Variants in THSD7A observed in about 807,000 individuals in gnomAD.
THSD7A encodes thrombospondin type 1 domain containing 7A.
THSD7A carries 96 observed loss-of-function variants against 231.3 expected under a neutral mutation model. The ratio of observed to expected loss-of-function variants is 0.41; its 90% CI spans 0.35 to 0.49. THSD7A has a LOEUF of 0.49. Ranked by LOEUF, THSD7A falls within the 20% of genes least tolerant of loss-of-function variation. THSD7A has a pLI of 0.05. For synonymous variants in THSD7A, 940 were observed against 743.3 expected, an observed-to-expected ratio of 1.26 and a Z score of -4.30; for missense variants, 2,290 against 2,070.2, an observed-to-expected ratio of 1.11 and a Z score of -2.06.
At chr7:11,459,764 C>T (rs889730625) in intron 11 of THSD7A, among the ~76,000 whole-genome samples, 10 of 138,614 alleles carry the variant, frequency 7.2e-5, no homozygotes, top group Admixed American at 5.6e-4. Flanking sequence ...AAAATGAAGT[C>T]CCAGATCAAA....
At chr7:11,498,343 T>C (rs1446355759) in intron 6 of THSD7A, among the ~76,000 whole-genome samples, 4 of 152,200 alleles carry the variant, frequency 2.6e-5, no homozygotes, top group Non-Finnish European at 4.4e-5. Context: ...CAGCACAGTA[T>C]AGCTGTGCTA....
intron 1 of THSD7A, among the ~76,000 whole-genome samples, chr7:11,797,382 C>T (rs952516021): frequency 1.1e-4 from 16 of 146,480 alleles, no homozygotes; most frequent in African/African-American, 3.8e-4. Flanking sequence ...TCTTTCCTTC[C>T]TGCCTTCTTT....
chr7:11,590,491 G>C lies in THSD7A; in HGVS notation c.1422C>G (p.Leu474=). 1.9e-6 allele frequency: 3 copies of C among 1,613,030 alleles called. No homozygotes were observed. The highest frequency in any genetic ancestry group is 2.5e-6 in the Non-Finnish European group (3 of 1,179,558). ...VYCVQANENL[L]SQLSTHKNKE... is the part of the protein sequence containing the mutation. ...TGTTCTTGTGGGTACTTAATTGTGA[G>C]AGGAGGTTTTCGTTGGCCTGCACGC... Residue 474 remains leucine, a synonymous_variant, in exon 4 of 28, where the codon CTC becomes CTG. Transcript: ENST00000423059. This position sits in a 1 kb window ranked among gnomAD's most constrained non-coding sequence, Gnocchi z 4.4.
intron 1 of THSD7A, among the ~76,000 whole-genome samples, chr7:11,811,427 G>A (rs148735001): frequency 1.2e-4 from 19 of 152,162 alleles, no homozygotes; most frequent in Admixed American, 3.9e-4. Context: ...ACATTGGCCC[G>A]AGATTTAGGA....
intron 23 of THSD7A, among the ~76,000 whole-genome samples, chr7:11,391,417 T>A (rs900268482): frequency 3.3e-5 from 5 of 152,208 alleles, no homozygotes; most frequent in Non-Finnish European, 5.9e-5. Context: ...AACAGCCTAC[T>A]CAAGCCTCAG....
rs1230582247 is a variant in THSD7A at position 11,379,728 on chromosome 7, T to C, written c.4508-16A>G. On this transcript the variant is annotated splice_polypyrimidine_tract_variant and intron_variant, in intron 24 of 27. Transcript: ENST00000423059. ...AAGCAGCCCCCTGCGGAACAGAAAA[T>C]CATGTTTTGACAAATAATATATTTT... 8 of 1,568,226 alleles carry C rather than the reference T, an allele frequency of 5.1e-6. No individual in the cohort carries two copies. Among genetic ancestry groups the C allele is most frequent in the Middle Eastern group, 3.3e-4 (2 of 6,010 alleles).
intron 1 of THSD7A, among the ~76,000 whole-genome samples, chr7:11,742,583 C>T (rs1399580045): frequency 1.3e-5 from 2 of 151,992 alleles, no homozygotes. Context: ...CTCAGAAATG[C>T]TATATCCATT....
chr7:11,692,687 G>A (rs1052067871), intron 1 of THSD7A, among the ~76,000 whole-genome samples: 1 of 151,446 alleles, frequency 6.6e-6, no homozygotes, highest in Non-Finnish European at 1.5e-5. Flanking sequence ...TAATTGCTGT[G>A]AATTAGTTTA....
At chr7:11,465,656 A>G (rs1010318479) in intron 9 of THSD7A, among the ~76,000 whole-genome samples, 3 of 152,058 alleles carry the variant, frequency 2.0e-5, no homozygotes, top group African/African-American at 7.2e-5. Flanking sequence ...GTCTCATCCA[A>G]GAAGCAAAAT....
At position 11,430,260 on chromosome 7, in the gene THSD7A, G is replaced by C. The variant is rs529086269; in HGVS notation, c.3065-1135C>G. 2.0e-5 allele frequency among the ~76,000 whole-genome samples: 3 copies of C among 152,158 alleles called. No individual in the cohort carries two copies. The South Asian group carries it at 6.2e-4, about 32-fold the overall frequency. ...AAATAACCCCATGTTTTGGTTTTCAGTATGTTTGCTGCGTTGTGCAACCAT... is the reference window on the plus strand; with the variant it reads ...AAATAACCCCATGTTTTGGTTTTCACTATGTTTGCTGCGTTGTGCAACCAT... On this transcript the variant is annotated intron_variant, in intron 13 of 27. Coordinates refer to ENST00000423059, the MANE Select transcript of THSD7A (RefSeq NM_015204.3).
chr7:11,582,254 TATA>T (rs1310682636), intron 4 of THSD7A, among the ~76,000 whole-genome samples: 4 of 151,756 alleles, frequency 2.6e-5, no homozygotes, highest in Non-Finnish European at 5.9e-5. Context: ...TATATTAGTG[TATA>T]ATAATACATA....
intron 1 of THSD7A, among the ~76,000 whole-genome samples, chr7:11,720,616 T>G (rs1378461165): frequency 1.3e-5 from 2 of 151,772 alleles, no homozygotes; most frequent in Non-Finnish European, 2.9e-5. Context: ...AAAGTTGCTT[T>G]TTTCATTTTC....
chr7:11,791,720 T>C (rs577170437), intron 1 of THSD7A, among the ~76,000 whole-genome samples: 1 of 151,986 alleles, frequency 6.6e-6, no homozygotes. Flanking sequence ...CGGCCATTTC[T>C]TCTTTCATAG....
At chr7:11,531,334 T>C (rs1176063933) in intron 6 of THSD7A, among the ~76,000 whole-genome samples, 2 of 152,142 alleles carry the variant, frequency 1.3e-5, no homozygotes, top group African/African-American at 2.4e-5. Flanking sequence ...CATCAGTGAT[T>C]CTTTAAAAAC....
chr7:11,552,173 G>A (rs1389658229), intron 4 of THSD7A, among the ~76,000 whole-genome samples: 8 of 152,012 alleles, frequency 5.3e-5, no homozygotes, highest in African/African-American at 7.2e-5. Flanking sequence ...TGTAAGGTGG[G>A]AAGAGGGTGA....
intron 23 of THSD7A, among the ~76,000 whole-genome samples, chr7:11,390,983 G>A (rs1296122603): frequency 1.3e-5 from 2 of 152,218 alleles, no homozygotes; most frequent in African/African-American, 4.8e-5. Context: ...ATCCCAGAGG[G>A]GCACCTGCCA....
At chr7:11,381,795 A>G (rs1479414284) in intron 24 of THSD7A, among the ~76,000 whole-genome samples, 3 of 152,148 alleles carry the variant, frequency 2.0e-5, no homozygotes, top group Admixed American at 6.6e-5. Flanking sequence ...TTCACTACCT[A>G]TCTTGAGCCA....
rs556248017 is a variant in THSD7A, at chr7:11,757,980, C to T, written c.190+73777G>A. Among the ~76,000 whole-genome samples the T allele has an allele frequency of 3.4e-3, 500 of 145,294 alleles. 7 individuals are homozygous for T. Among genetic ancestry groups the T allele is most frequent in the African/African-American group, 0.012 (490 of 39,702 alleles). On this transcript the variant is annotated intron_variant, in intron 1 of 27. Coordinates refer to ENST00000423059, the MANE Select transcript of THSD7A (RefSeq NM_015204.3). ...ATTGACCACTTACTGTTTTTGAGCA[C>T]TGTGCTAACATTATATATACATATG...
chr7:11,599,777 G>T (rs1232279829), intron 2 of THSD7A, among the ~76,000 whole-genome samples: 1 of 151,932 alleles, frequency 6.6e-6, no homozygotes, highest in Non-Finnish European at 1.5e-5. Flanking sequence ...ATGGAAGGAT[G>T]CAAAGTATTG....
Sources: gnomAD v4.1 joint callset for allele counts (sites outside exome capture counted in the v4.1 genomes callset) on GRCh38, gnomAD v4.1.1 for gene constraint, Gnocchi (gnomAD v3.1) non-coding constraint, MANE v1.5 for transcripts, NCBI Gene and HGNC (gene_info 2026-07-23, HGNC 2026-07-21) for gene names.